VWA8: variants seen among roughly 807,000 people sequenced by gnomAD.
VWA8 encodes von Willebrand factor A domain containing 8.
Under a neutral mutation model 241.5 loss-of-function variants are expected in VWA8, and 221 were observed. That is an observed-to-expected ratio of 0.91 (90% CI 0.82 to 1.02). VWA8 has a LOEUF of 1.02. Among genes scored for constraint, VWA8 ranks in the 50% least tolerant of loss-of-function variants. The probability of loss-of-function intolerance (pLI) is 0.00; values close to 1 mark genes in which losing one functional copy is unlikely to be tolerated. For synonymous variants in VWA8, 852 were observed against 827.1 expected (o/e 1.03, Z -0.52); for missense variants, 2,322 against 2,328.7 (o/e 1.00, Z 0.06).
At chr13:41,960,075 CT>C (rs1440140628) in intron 1 of VWA8, among the ~76,000 whole-genome samples, 4 of 152,314 alleles carry the variant, frequency 2.6e-5, no homozygotes, top group Non-Finnish European at 5.9e-5. Context: ...AACAGATATC[CT>C]TTCCTTAACC....
At position 41,729,669 on chromosome 13, in the gene VWA8, T is replaced by A; in HGVS notation, c.2511A>T (p.Ala837=). The change falls in exon 23 of 45, where the codon GCA becomes GCT. Residue 837 remains alanine (A), a synonymous_variant. Coordinates refer to ENST00000379310, the MANE Select transcript of VWA8 (RefSeq NM_015058.2). ...IVYEDSPLVK[A]VKLGHILVVD... ...CTACCAGAATATGACCCAACTTTAC[T>A]GCTTTAACCTTTGACGACAGAAAAT... 2.5e-6 allele frequency: 4 copies of A among 1,606,106 alleles called. No individual in the cohort carries two copies. The highest frequency in any genetic ancestry group is 3.4e-6 in the Non-Finnish European group (4 of 1,177,712).
chr13:41,843,031 C>A (rs181001582), intron 12 of VWA8, among the ~76,000 whole-genome samples: 2 of 152,336 alleles, frequency 1.3e-5, no homozygotes, highest in African/African-American at 4.8e-5. Flanking sequence ...TTAGCTAACA[C>A]TCTGTAAATA....
intron 42 of VWA8, among the ~76,000 whole-genome samples, chr13:41,584,009 TATGC>T (rs2044401142): frequency 6.6e-6 from 1 of 152,156 alleles, no homozygotes; most frequent in Non-Finnish European, 1.5e-5. Context: ...GGTAAAGCAT[TATGC>T]TGCTTATAAT....
At chr13:41,812,954 G>A (rs1296696890) in intron 16 of VWA8, among the ~76,000 whole-genome samples, 1 of 152,098 alleles carries the variant, frequency 6.6e-6, no homozygotes, top group Non-Finnish European at 1.5e-5. Context: ...GTTATAGGCA[G>A]TTAAAATATT....
At chr13:41,926,048 G>C in intron 2 of VWA8, 1 of 449,518 alleles carries the variant, frequency 2.2e-6, no homozygotes, top group Non-Finnish European at 4.2e-6. Flanking sequence ...AAGGAGAGGG[G>C]GTCAAGTTGC....
intron 37 of VWA8, among the ~76,000 whole-genome samples, chr13:41,658,640 C>T (rs931289278): frequency 3.3e-5 from 5 of 152,218 alleles, no homozygotes; most frequent in African/African-American, 1.2e-4. Context: ...CATAGTCAGC[C>T]AGTCTCCAAC....
chr13:41,601,311 A>G (rs930183173), intron 40 of VWA8, among the ~76,000 whole-genome samples: 1 of 152,138 alleles, frequency 6.6e-6, no homozygotes, highest in African/African-American at 2.4e-5. Context: ...GTACAGGGAC[A>G]CTATCTTATC....
Position 41,918,943 on chromosome 13 carries a change from C to A in VWA8, c.242-6775G>T, listed in dbSNP as rs560803739. Among the ~76,000 whole-genome samples, 13 of 152,112 alleles carry A rather than the reference C, an allele frequency of 8.5e-5. No individual in the cohort carries two copies. The South Asian group carries it at 2.5e-3, about 29-fold the overall frequency. On this transcript the variant is annotated intron_variant, in intron 2 of 44. Coordinates refer to ENST00000379310, the MANE Select transcript of VWA8 (RefSeq NM_015058.2). ...TAATAAAAAGATCTTTGGAAAATCTCCAAATATTTAGAGACTAAACAGCAT... is the reference window on the plus strand; with the variant it reads ...TAATAAAAAGATCTTTGGAAAATCTACAAATATTTAGAGACTAAACAGCAT...
chr13:41,721,367 T>C lies in VWA8; in HGVS notation c.2964+3A>G, dbSNP rs1351522293. 1 of 1,613,262 alleles carries C rather than the reference T, an allele frequency of 6.2e-7. No homozygotes were observed. Among genetic ancestry groups the C allele is most frequent in the Admixed American group, 1.7e-5 (1 of 59,982 alleles). On this transcript the variant is annotated splice_donor_region_variant and intron_variant, in intron 25 of 44. Coordinates refer to ENST00000379310, the MANE Select transcript of VWA8 (RefSeq NM_015058.2). Reference sequence around the variant, plus strand: ...CTTAGGTACAGGTGTGTGCCATACCTACCTGTAAATGTTTGACTATGTTGA... The same window carrying C: ...CTTAGGTACAGGTGTGTGCCATACCCACCTGTAAATGTTTGACTATGTTGA...
chr13:41,772,472 A>AAC, intron 20 of VWA8, among the ~76,000 whole-genome samples: 1 of 152,076 alleles, frequency 6.6e-6, no homozygotes, highest in South Asian at 2.1e-4. Context: ...AAACAAAAAA[A>AAC]AAATCAGCAT....
intron 35 of VWA8, among the ~76,000 whole-genome samples, chr13:41,684,648 A>G (rs939689295): frequency 1.3e-5 from 2 of 152,202 alleles, no homozygotes; most frequent in African/African-American, 4.8e-5. Flanking sequence ...AGTAATAAAT[A>G]TAAGTTGACT....
chr13:41,914,059 T>G (rs1436419332), intron 2 of VWA8, among the ~76,000 whole-genome samples: 2 of 152,276 alleles, frequency 1.3e-5, no homozygotes, highest in East Asian at 3.9e-4. Context: ...CTGGCCCACA[T>G]GGCGAAGCCT....
chr13:41,746,798 A>T (rs981231468), intron 21 of VWA8, among the ~76,000 whole-genome samples: 2 of 152,230 alleles, frequency 1.3e-5, no homozygotes, highest in Non-Finnish European at 2.9e-5. Context: ...CAAGCTGAGC[A>T]AGGATTAGGA....
intron 17 of VWA8, among the ~76,000 whole-genome samples, chr13:41,794,247 T>A (rs1172684478): frequency 6.6e-6 from 1 of 152,232 alleles, no homozygotes; most frequent in East Asian, 1.9e-4. Context: ...ATTTTCATAC[T>A]AATTCTTCTT....
At chr13:41,806,349 A>G (rs1870208075) in intron 17 of VWA8, among the ~76,000 whole-genome samples, 1 of 152,216 alleles carries the variant, frequency 6.6e-6, no homozygotes. Flanking sequence ...CAAACCCAAA[A>G]TTAGTACAAG....
intron 32 of VWA8, among the ~76,000 whole-genome samples, chr13:41,690,885 C>T (rs1426081362): frequency 6.6e-6 from 1 of 152,070 alleles, no homozygotes; most frequent in African/African-American, 2.4e-5. Context: ...AACATAACCA[C>T]ATCCAAACCA....
At position 41,868,557 on chromosome 13, in the gene VWA8, T is replaced by C. The variant is rs1377230317; in HGVS notation, c.1081-80A>G. 1.5e-5 allele frequency: 21 copies of C among 1,439,968 alleles called. No homozygotes were observed. The Admixed American group carries it at 5.0e-4, about 35-fold the overall frequency. 89.2% of individuals were successfully genotyped at this position (1,439,968 alleles called of 1,614,324 possible). A position where few individuals can be genotyped will look rare whatever the true frequency, so the allele number is the denominator to read the frequency against. On this transcript the variant is annotated intron_variant, in intron 9 of 44. Coordinates refer to ENST00000379310, the MANE Select transcript of VWA8 (RefSeq NM_015058.2). ...GGCTATCTGACAGATTACACCTTAA[T>C]TACAAGTGAAATCCATTTTATATTA...
chr13:41,738,758 T>C (rs547808717), intron 21 of VWA8, among the ~76,000 whole-genome samples: 12 of 152,272 alleles, frequency 7.9e-5, no homozygotes, highest in African/African-American at 2.2e-4. Context: ...AAAGACAGTG[T>C]GCAGGTCCCT....
At chr13:41,662,825 C>T (rs1157339634) in intron 37 of VWA8, among the ~76,000 whole-genome samples, 2 of 151,974 alleles carry the variant, frequency 1.3e-5, no homozygotes, top group South Asian at 2.1e-4. Flanking sequence ...ACAGGGAAAG[C>T]GTTCAGTCTC....
Sources: allele counts gnomAD v4.1 joint callset (sites outside exome capture counted in the v4.1 genomes callset), GRCh38; gene constraint gnomAD v4.1.1; transcripts MANE v1.5; gene names NCBI Gene and HGNC (gene_info 2026-07-23, HGNC 2026-07-21).